The following DST variants were observed in gnomAD, a reference collection of about 807,000 sequenced individuals.
DST encodes bullous pemphigoid antigen.
DST carries 253 observed loss-of-function variants against 875.2 expected under a neutral mutation model. The ratio of observed to expected loss-of-function variants is 0.29; its 90% CI spans 0.26 to 0.32. The LOEUF (loss-of-function observed/expected upper bound fraction) is 0.32, where lower values mean the gene tolerates loss of function less well. Ranked by LOEUF, DST falls within the 10% of genes least tolerant of loss-of-function variation. The pLI, the probability that DST is intolerant of heterozygous loss-of-function variation, is 1.00. For missense variants in DST, 8,287 were observed against 9,111.6 expected (o/e 0.91, Z 3.68); for synonymous variants, 3,124 against 3,197.1 (o/e 0.98, Z 0.77).
chr6:56,480,339 A>T, intron 90 of DST, among the ~76,000 whole-genome samples: 1 of 152,204 alleles, frequency 6.6e-6, no homozygotes, highest in Non-Finnish European at 1.5e-5. Flanking sequence ...TCCCCTGGAG[A>T]ACAGCTGATA....
intron 9 of DST, among the ~76,000 whole-genome samples, chr6:56,673,209 C>A (rs530872389): frequency 6.6e-6 from 1 of 152,052 alleles, no homozygotes; most frequent in African/African-American, 2.4e-5. Context: ...CACGCCACTG[C>A]GCTCCAGCCT....
intron 4 of DST, among the ~76,000 whole-genome samples, chr6:56,788,333 T>G (rs1251705383): frequency 6.6e-6 from 1 of 151,424 alleles, no homozygotes; most frequent in Non-Finnish European, 1.5e-5. Flanking sequence ...TCCCAAGTAG[T>G]TGGGACTATA....
intron 2 of DST, among the ~76,000 whole-genome samples, chr6:56,905,336 G>A (rs1056689072): frequency 1.3e-5 from 2 of 152,130 alleles, no homozygotes; most frequent in Non-Finnish European, 2.9e-5. Context: ...TGGGTACAAT[G>A]TTGTATAGCA....
chr6:56,732,632 T>C (rs1248799633), intron 5 of DST, among the ~76,000 whole-genome samples: 1 of 152,232 alleles, frequency 6.6e-6, no homozygotes, highest in Non-Finnish European at 1.5e-5. Flanking sequence ...ATGTTTACTT[T>C]TGCCAGTTAT....
chr6:56,648,584 G>T lies in DST; in HGVS notation c.1540C>A (p.Pro514Thr). 6.3e-7 allele frequency: 1 copy of T among 1,581,094 alleles called. No individual in the cohort carries two copies. Among genetic ancestry groups the T allele is most frequent in the Non-Finnish European group, 8.6e-7 (1 of 1,161,132 alleles). ...TMSERTFPNN[P>T]VELKALYNQY... ...GTGACACTAACCTTCAGTTCTACAGGATTATTAGGAAATGTTCTCTCAGAC... is the reference window on the plus strand; with the variant it reads ...GTGACACTAACCTTCAGTTCTACAGTATTATTAGGAAATGTTCTCTCAGAC... Residue 514 changes from proline to threonine, a missense_variant, in exon 13 of 104, where the codon CCT becomes ACT. Pro to Thr is a conservative substitution (Grantham distance 38). Transcript: ENST00000680361.
intron 10 of DST, among the ~76,000 whole-genome samples, chr6:56,668,603 A>T (rs7760175): frequency 0.14 from 21,972 of 151,684 alleles, 3,494 homozygotes; most frequent in African/African-American, 0.4. Flanking sequence ...AAAAAATTTT[A>T]AAAAATTTAA....
intron 2 of DST, among the ~76,000 whole-genome samples, chr6:56,952,980 T>C (rs534670278): frequency 6.6e-6 from 1 of 152,312 alleles, no homozygotes; most frequent in African/African-American, 2.4e-5. Flanking sequence ...GATTAACTAA[T>C]GAAATGAAAG....
At chr6:56,787,851 C>A (rs34612783) in intron 4 of DST, among the ~76,000 whole-genome samples, 1 of 151,832 alleles carries the variant, frequency 6.6e-6, no homozygotes, top group African/African-American at 2.4e-5. Flanking sequence ...CAAAATCAGA[C>A]TTTGAGGCTG....
intron 36 of DST, chr6:56,617,452 C>T (rs1382286470): frequency 6.6e-7 from 1 of 1,511,902 alleles, no homozygotes; most frequent in Non-Finnish European, 9.2e-7. Context: ...TTAAAAGTCA[C>T]CTCAAGAACA....
intron 2 of DST, among the ~76,000 whole-genome samples, chr6:56,927,344 T>A (rs1243363288): frequency 6.6e-6 from 1 of 152,214 alleles, no homozygotes; most frequent in Non-Finnish European, 1.5e-5. Flanking sequence ...AATGTTAATG[T>A]TAAATGCTAT....
intron 33 of DST, among the ~76,000 whole-genome samples, chr6:56,627,726 A>G (rs1403337269): frequency 6.6e-6 from 1 of 152,224 alleles, no homozygotes; most frequent in Non-Finnish European, 1.5e-5. Flanking sequence ...AGAGATTTCT[A>G]TACCTATGAT....
intron 4 of DST, among the ~76,000 whole-genome samples, chr6:56,756,657 C>A (rs1269592959): frequency 6.6e-6 from 1 of 152,144 alleles, no homozygotes; most frequent in East Asian, 1.9e-4. Context: ...GAGGAAGCTG[C>A]CTTCAACAAC....
Position 56,487,235 on chromosome 6 carries a change from G to A in DST, c.20916C>T (p.Tyr6972=), listed in dbSNP as rs763815018. The A allele has an allele frequency of 1.2e-5, 19 of 1,601,728 alleles. No homozygotes were observed. Among genetic ancestry groups the A allele is most frequent in the Middle Eastern group, 3.3e-4 (2 of 6,046 alleles). The part of the protein sequence containing the change: ...QKSLGAKHSV[Y]DTTNRTGRSL... ...AACGTCCAGTCCTGTTGGTGGTGTC[G>A]TAGACAGAATGCTTGGCTCCGAGTG... The change falls in exon 87 of 104, where the codon TAC becomes TAT. Residue 6972 remains tyrosine (Y), a synonymous_variant. Coordinates refer to ENST00000680361, the MANE Select transcript of DST (RefSeq NM_001374736.1).
At chr6:56,734,528 G>A (rs1248598572) in intron 5 of DST, among the ~76,000 whole-genome samples, 1 of 152,150 alleles carries the variant, frequency 6.6e-6, no homozygotes, top group Non-Finnish European at 1.5e-5. Flanking sequence ...TGGGAGAAAG[G>A]GGAAGTGACC....
In DST at chr6:56,497,451, C is replaced by T; in HGVS notation, c.20151G>A (p.Glu6717=). ...EDLQQWLTDT[E]RHLLASKPLG... ...GCGGTTTAGATGCCAACAGATGACGCTCCGTGTCAGTCAGCCACTGCTGCA... is the reference window on the plus strand; with the variant it reads ...GCGGTTTAGATGCCAACAGATGACGTTCCGTGTCAGTCAGCCACTGCTGCA... The change falls in exon 82 of 104, where the codon GAG becomes GAA. Residue 6717 remains glutamate (E), a synonymous_variant. Transcript: ENST00000680361. 2.5e-6 allele frequency: 4 copies of T among 1,613,204 alleles called. No individual in the cohort carries two copies. Among genetic ancestry groups the T allele is most frequent in the Non-Finnish European group, 3.4e-6 (4 of 1,179,444 alleles).
rs868001978 is a variant in DST at position 56,816,370 on chromosome 6, G to A, written c.625+35027C>T. On this transcript the variant is annotated intron_variant, in intron 4 of 103. Transcript: ENST00000680361. ...AAAAAGTACTTCGATACTCTGAGGA[G>A]AATAGTGAGACCTGTTTCTACAGCC... is the stretch of plus-strand genomic sequence containing the variant. Among the ~76,000 whole-genome samples, 52 of 151,942 alleles carry A rather than the reference G, an allele frequency of 3.4e-4. 1 individual carries two copies. The Middle Eastern group carries it at 0.01, about 30-fold the overall frequency.
chr6:56,722,763 G>T (rs949789084), intron 5 of DST, among the ~76,000 whole-genome samples: 10 of 152,174 alleles, frequency 6.6e-5, no homozygotes, highest in African/African-American at 2.4e-4. Context: ...GAAATAAAAA[G>T]CGGCTATAAA....
intron 2 of DST, among the ~76,000 whole-genome samples, chr6:56,920,454 T>G (rs989751716): frequency 6.6e-6 from 1 of 152,198 alleles, no homozygotes; most frequent in African/African-American, 2.4e-5. Flanking sequence ...TCGCTCACCA[T>G]GCGCCCAGCT....
chr6:56,573,054 T>C lies in DST; in HGVS notation c.13247A>G (p.Gln4416Arg). 2 of 1,554,384 alleles carry C rather than the reference T, an allele frequency of 1.3e-6. No homozygotes were observed. The highest frequency in any genetic ancestry group is 1.7e-6 in the Non-Finnish European group (2 of 1,152,986). ...DIISKNIMLE[Q>R]DIAGRQSSIN... is the part of the protein sequence containing the mutation. Reference sequence around the variant, plus strand: ...ACTGCTCTGACGACCTGCAATATCCTGTTCCAACATCTAAAATAAACCAAA... The same window carrying C: ...ACTGCTCTGACGACCTGCAATATCCCGTTCCAACATCTAAAATAAACCAAA... The change falls in exon 52 of 104, where the codon CAG becomes CGG. Residue 4416 changes from glutamine to arginine, a missense_variant. Coordinates refer to ENST00000680361, the MANE Select transcript of DST (RefSeq NM_001374736.1).
Sources: allele counts gnomAD v4.1 joint callset (sites outside exome capture counted in the v4.1 genomes callset), GRCh38; gene constraint gnomAD v4.1.1; transcripts MANE v1.5; gene names NCBI Gene and HGNC (gene_info 2026-07-23, HGNC 2026-07-21).